RBMS3: variants seen among roughly 807,000 people sequenced by gnomAD.
RBMS3 encodes the protein RNA-binding motif, single-stranded-interacting protein 3.
RBMS3 carries 27 observed loss-of-function variants against 66.8 expected under a neutral mutation model. The observed-to-expected ratio is 0.40, with a 90% CI of 0.30 to 0.56. The LOEUF is 0.56. Among genes scored for constraint, RBMS3 ranks in the 20% least tolerant of loss-of-function variants. The pLI is 0.40. For missense variants in RBMS3, 513 were observed against 549.5 expected, an observed-to-expected ratio of 0.93 and a Z score of 0.66; for synonymous variants, 188 against 183.0, an observed-to-expected ratio of 1.03 and a Z score of -0.22.
chr3:29,585,456 A>C (rs909733030), intron 3 of RBMS3, among the ~76,000 whole-genome samples: 2 of 152,140 alleles, frequency 1.3e-5, no homozygotes, highest in South Asian at 2.1e-4. Context: ...ACTTTACTTC[A>C]AATCCTGGAT....
chr3:29,453,615 A>C (rs2042082803), intron 2 of RBMS3, among the ~76,000 whole-genome samples: 1 of 152,180 alleles, frequency 6.6e-6, no homozygotes, highest in South Asian at 2.1e-4. Context: ...CGTCTCCAGC[A>C]GGTTGTCCTG....
chr3:29,753,018 G>A (rs1471638495), intron 5 of RBMS3, among the ~76,000 whole-genome samples: 6 of 152,106 alleles, frequency 3.9e-5, no homozygotes, highest in South Asian at 2.1e-4. Flanking sequence ...GGAGATTTCC[G>A]TTATATATGT....
intron 4 of RBMS3, among the ~76,000 whole-genome samples, chr3:29,730,698 A>G (rs1030146402): frequency 2.0e-5 from 3 of 152,118 alleles, no homozygotes; most frequent in Non-Finnish European, 4.4e-5. Context: ...CCTCTTTCTG[A>G]GCAGTGAATT....
intron 1 of RBMS3, among the ~76,000 whole-genome samples, chr3:29,367,544 A>G (rs2037976115): frequency 6.6e-6 from 1 of 152,158 alleles, no homozygotes; most frequent in South Asian, 2.1e-4. Flanking sequence ...GATATTTATA[A>G]TCAGAAACAC....
intron 4 of RBMS3, among the ~76,000 whole-genome samples, chr3:29,711,241 C>T (rs942360499): frequency 1.3e-5 from 2 of 152,024 alleles, no homozygotes; most frequent in Admixed American, 6.5e-5. Flanking sequence ...TTGTACTGTA[C>T]CTTAGGTAAC....
intron 4 of RBMS3, among the ~76,000 whole-genome samples, chr3:29,726,833 T>C (rs1171577633): frequency 1.3e-5 from 2 of 152,180 alleles, no homozygotes; most frequent in African/African-American, 4.8e-5. Context: ...TAAGCTACGA[T>C]TGACTTTCTT....
chr3:29,892,839 G>GTATTTATT (rs1171979340), intron 8 of RBMS3, among the ~76,000 whole-genome samples: 1,927 of 86,584 alleles, frequency 0.022, 45 homozygotes, highest in African/African-American at 0.089. Flanking sequence ...ATGTATGTAT[G>GTATTTATT]TATGTATTTA....
intron 4 of RBMS3, among the ~76,000 whole-genome samples, chr3:29,675,277 C>A (rs2051194985): frequency 6.6e-6 from 1 of 151,918 alleles, no homozygotes; most frequent in Admixed American, 6.6e-5. Flanking sequence ...CAATTAATTC[C>A]AGATGGATTA....
intron 4 of RBMS3, among the ~76,000 whole-genome samples, chr3:29,681,758 T>C (rs2051507668): frequency 6.6e-6 from 1 of 152,216 alleles, no homozygotes; most frequent in South Asian, 2.1e-4. Context: ...CTATCATTGA[T>C]GGGCATTTGG....
At chr3:29,523,171 G>A (rs930252724) in intron 3 of RBMS3, among the ~76,000 whole-genome samples, 1 of 152,108 alleles carries the variant, frequency 6.6e-6, no homozygotes, top group Non-Finnish European at 1.5e-5. Flanking sequence ...TGGCTTCAGC[G>A]TCGATTCTCC....
chr3:29,301,564 T>C (rs2033672451), intron 1 of RBMS3, among the ~76,000 whole-genome samples: 1 of 152,034 alleles, frequency 6.6e-6, no homozygotes, highest in South Asian at 2.1e-4. Context: ...AGTGTGGGTC[T>C]ACCCAGTTTT....
chr3:29,578,333 G>A (rs1034541750), intron 3 of RBMS3, among the ~76,000 whole-genome samples: 1 of 152,050 alleles, frequency 6.6e-6, no homozygotes, highest in African/African-American at 2.4e-5. Flanking sequence ...GTGTACATTT[G>A]TTACTCTCGA....
intron 1 of RBMS3, among the ~76,000 whole-genome samples, chr3:29,299,229 C>T (rs982783940): frequency 6.6e-6 from 1 of 151,654 alleles, no homozygotes; most frequent in African/African-American, 2.4e-5. Flanking sequence ...ATAATACAGG[C>T]ACGAGATTGG....
chr3:29,781,064 A>G (rs1267490482), intron 6 of RBMS3, among the ~76,000 whole-genome samples: 2 of 151,450 alleles, frequency 1.3e-5, no homozygotes, highest in African/African-American at 4.9e-5. Context: ...TGCTGCACCC[A>G]TTAACTCGTC....
At chr3:29,959,147 A>G (rs1345569094) in intron 12 of RBMS3, among the ~76,000 whole-genome samples, 2 of 152,176 alleles carry the variant, frequency 1.3e-5, no homozygotes, top group African/African-American at 4.8e-5. Flanking sequence ...GACTGTATGT[A>G]TGGGTTCTCT....
chr3:29,606,185 C>T (rs1286155099), intron 4 of RBMS3, among the ~76,000 whole-genome samples: 1 of 151,782 alleles, frequency 6.6e-6, no homozygotes, highest in Non-Finnish European at 1.5e-5. Flanking sequence ...TGTCTTTTCT[C>T]ACTCCTAGAT....
intron 5 of RBMS3, among the ~76,000 whole-genome samples, chr3:29,751,928 T>C (rs1473581563): frequency 6.6e-6 from 1 of 152,168 alleles, no homozygotes; most frequent in Admixed American, 6.5e-5. Flanking sequence ...CTACGACCCC[T>C]GGAGCCCCAG....
intron 6 of RBMS3, among the ~76,000 whole-genome samples, chr3:29,828,048 A>G (rs994465249): frequency 1.3e-5 from 2 of 151,710 alleles, no homozygotes; most frequent in African/African-American, 4.8e-5. Flanking sequence ...GTGTGTGTGT[A>G]TATGTTTGTG....
chr3:29,860,527 G>A (rs1473134018), intron 6 of RBMS3, among the ~76,000 whole-genome samples: 8 of 152,176 alleles, frequency 5.3e-5, no homozygotes. Context: ...TATGACTGTA[G>A]TGCTGGAGGT....
Sources: allele counts gnomAD v4.1 joint callset (sites outside exome capture counted in the v4.1 genomes callset), GRCh38; gene constraint gnomAD v4.1.1; transcripts MANE v1.5; gene names NCBI Gene and HGNC (gene_info 2026-07-23, HGNC 2026-07-21).